The following SLC22A14 variants were observed in gnomAD, a reference collection of about 807,000 sequenced individuals.
SLC22A14 encodes organic cation transporter-like 4.
A neutral mutation model predicts 53.9 loss-of-function variants in SLC22A14; 50 were observed. That is an observed-to-expected ratio of 0.93 (90% CI 0.74 to 1.17). SLC22A14 has a LOEUF of 1.17. Among genes scored for constraint, SLC22A14 ranks in the 50% most tolerant of loss-of-function variants. SLC22A14 has a pLI of 0.00. For missense variants in SLC22A14, 671 were observed against 734.7 expected, an observed-to-expected ratio of 0.91 and a Z score of 1.00; for synonymous variants, 312 against 303.0, an observed-to-expected ratio of 1.03 and a Z score of -0.31.
intron 1 of SLC22A14, among the ~76,000 whole-genome samples, chr3:38,302,272 A>T (rs927812950): frequency 6.8e-6 from 1 of 146,814 alleles, no homozygotes; most frequent in African/African-American, 2.5e-5. Flanking sequence ...ATATATATTT[A>T]TATATACACA....
chr3:38,283,593 G>T (rs1015540777), intron 1 of SLC22A14, among the ~76,000 whole-genome samples: 6 of 152,224 alleles, frequency 3.9e-5, no homozygotes, highest in African/African-American at 1.4e-4. Context: ...ACTTTGGGAG[G>T]CCGAGGCGGG....
At chr3:38,298,882 C>T (rs1310505275) in intron 1 of SLC22A14, among the ~76,000 whole-genome samples, 1 of 152,144 alleles carries the variant, frequency 6.6e-6, no homozygotes, top group Non-Finnish European at 1.5e-5. Context: ...TAACTCCTTT[C>T]TCTGACAAAA....
intron 7 of SLC22A14, 42 bp from the exon 8 acceptor site, chr3:38,313,685 T>TGTGTGTGTGTGTGTGTGCTCGCGC: frequency 1.1e-6 from 1 of 900,604 alleles, no homozygotes. Flanking sequence ...TCCGTGTGTG[T>TGTGTGTGTGTGTGTGTGCTCGCGC]GCGCGCGTGT....
chr3:38,309,021 TG>T lies in SLC22A14; in HGVS notation c.847del (p.Ala283ProfsTer4). 1 of 1,614,068 alleles carries T rather than the reference TG, an allele frequency of 6.2e-7. No homozygotes were observed. Among genetic ancestry groups the T allele is most frequent in the Non-Finnish European group, 8.5e-7 (1 of 1,179,894 alleles). ...TCCTGGGACACTGCTTTTTCGCTGTTGGGGCCGTGTTGCTGACAGGGATCGC... is the reference window on the plus strand; with the variant it reads ...TCCTGGGACACTGCTTTTTCGCTGTTGGGCCGTGTTGCTGACAGGGATCGC... Reference protein sequence around the residue: ...IILGHCFFAVGAVLLTGIAYS... With the variant: ...IILGHCFFAVXAVLLTGIAYS... On this transcript the variant is annotated frameshift_variant, in exon 5 of 11. Transcript: ENST00000448498. LOFTEE classifies it high-confidence loss of function.
chr3:38,308,871 G>T, intron 4 of SLC22A14, 83 bp from the exon 5 acceptor site: 1 of 1,265,192 alleles, frequency 7.9e-7, no homozygotes, highest in South Asian at 1.3e-5. Flanking sequence ...AGAGCAGGTG[G>T]GGACACCCAG....
rs375037812 is a variant in SLC22A14 at position 38,286,346 on chromosome 3, CAT to C, written c.-1+4008_-1+4009del. Among the ~76,000 whole-genome samples, 316 of 152,252 alleles carry C rather than the reference CAT, an allele frequency of 2.1e-3. 1 individual carries two copies. The highest frequency in any genetic ancestry group is 7.2e-3 in the African/African-American group (301 of 41,540). ...TTATTAAAGAGGTTGAGCATCTTCA[CAT>C]GTTTGTAGGCCACACGAGTTTCCTC... is the stretch of plus-strand genomic sequence containing the variant. On this transcript the variant is annotated intron_variant, in intron 1 of 10. Transcript: ENST00000448498.
At chr3:38,305,851 G>A in intron 1 of SLC22A14, 176 bp from the exon 2 acceptor site, 1 of 651,944 alleles carries the variant, frequency 1.5e-6, no homozygotes, top group South Asian at 2.0e-5. Context: ...TTGGGCCAGG[G>A]GGGAATAAAT....
Position 38,313,127 on chromosome 3 carries a change from G to T in SLC22A14, c.1065+8G>T. Reference sequence around the variant, plus strand: ...TCAAATCTGCTGGACGAGGTAAAGGGCTTCTGGCCAGGAGTGGGGCCGGAG... The same window carrying T: ...TCAAATCTGCTGGACGAGGTAAAGGTCTTCTGGCCAGGAGTGGGGCCGGAG... On this transcript the variant is annotated splice_region_variant and intron_variant, in intron 6 of 10. Coordinates refer to ENST00000448498, the MANE Select transcript of SLC22A14 (RefSeq NM_001320033.2). 2 of 1,610,408 alleles carry T rather than the reference G, an allele frequency of 1.2e-6. No individual in the cohort carries two copies.
At chr3:38,282,175 C>G (rs1161653501), upstream of SLC22A14, 2 of 152,262 alleles carry the variant, frequency 1.3e-5, no homozygotes, top group African/African-American at 4.8e-5. Flanking sequence ...CTGCCTTGCC[C>G]CTGGAGGCTA....
chr3:38,284,667 A>G (rs775884895), intron 1 of SLC22A14, among the ~76,000 whole-genome samples: 2 of 152,172 alleles, frequency 1.3e-5, no homozygotes, highest in Non-Finnish European at 2.9e-5. Context: ...ACGAAGGACC[A>G]GAGCGTAGGA....
At chr3:38,305,432 G>A (rs751494268) in intron 1 of SLC22A14, 4 of 152,820 alleles carry the variant, frequency 2.6e-5, no homozygotes, top group Non-Finnish European at 5.8e-5. Context: ...TTTAAGCTTA[G>A]TTTCCCCTCC....
rs774266474 is a variant in SLC22A14, at chr3:38,307,368, G to A, written c.620+11G>A. On this transcript the variant is annotated intron_variant, in intron 3 of 10. Coordinates refer to ENST00000448498, the MANE Select transcript of SLC22A14 (RefSeq NM_001320033.2). This position sits in a 1 kb window ranked among gnomAD's most constrained non-coding sequence, Gnocchi z 4.4. ...GCTCATAACTGACAAGTGAGTCCCC[G>A]GGAGTTTCTGCTGGTCCCCGAGCCA... is the stretch of plus-strand genomic sequence containing the variant. The A allele has an allele frequency of 4.7e-5, 76 of 1,603,308 alleles. No homozygotes were observed. The highest frequency in any genetic ancestry group is 1.3e-4 in the East Asian group (6 of 44,826).
chr3:38,301,317 C>T (rs539470677), intron 1 of SLC22A14, among the ~76,000 whole-genome samples: 1 of 152,352 alleles, frequency 6.6e-6, no homozygotes, highest in African/African-American at 2.4e-5. Flanking sequence ...GCATGCCCAT[C>T]AGCAATGTAT....
intron 5 of SLC22A14, among the ~76,000 whole-genome samples, chr3:38,312,618 C>A (rs936280266): frequency 1.3e-5 from 2 of 152,180 alleles, no homozygotes; most frequent in African/African-American, 4.8e-5. Flanking sequence ...CAACTAAGGG[C>A]ATGGGGGCTC....
chr3:38,285,201 CAG>C (rs111389039), intron 1 of SLC22A14, among the ~76,000 whole-genome samples: 2,584 of 152,298 alleles, frequency 0.017, 75 homozygotes, highest in African/African-American at 0.058. Flanking sequence ...CTACACTAAA[CAG>C]GGGATACCCC....
intron 1 of SLC22A14, among the ~76,000 whole-genome samples, chr3:38,286,115 G>A (rs767256770): frequency 1.3e-4 from 20 of 152,218 alleles, no homozygotes; most frequent in East Asian, 1.9e-4. Context: ...GGTGGTGCGC[G>A]CCTGTAATCC....
chr3:38,306,392 A>C lies in SLC22A14; in HGVS notation c.366A>C (p.Gln122His), dbSNP rs566174873. 1 of 1,614,036 alleles carries C rather than the reference A, an allele frequency of 6.2e-7. No homozygotes were observed. Among genetic ancestry groups the C allele is most frequent in the African/African-American group, 1.3e-5 (1 of 74,908 alleles). Residue 122 changes from glutamine (Q) to histidine (H), a missense_variant, in exon 2 of 11, where the codon CAA (glutamine) becomes CAC (histidine). Transcript: ENST00000448498. ...KAEQLNLTIP[Q>H]APNGSFLTCF... ...AGCAGCTGAATCTGACCATACCCCA[A>C]GCACCCAATGGCAGTTTCCTGACAT...
At chr3:38,290,444 C>T (rs958459318) in intron 1 of SLC22A14, among the ~76,000 whole-genome samples, 3 of 152,192 alleles carry the variant, frequency 2.0e-5, no homozygotes, top group Non-Finnish European at 4.4e-5. Context: ...AAGAGACAAA[C>T]TTAACAAAGA....
At chr3:38,281,814 T>A (rs1703675268), upstream of SLC22A14, among the ~76,000 whole-genome samples, 1 of 152,172 alleles carries the variant, frequency 6.6e-6, no homozygotes, top group Non-Finnish European at 1.5e-5. Context: ...CTGTGCTGGT[T>A]TTCCTGTCCT....
Sources: allele counts gnomAD v4.1 joint callset (sites outside exome capture counted in the v4.1 genomes callset), GRCh38; gene constraint gnomAD v4.1.1; non-coding constraint Gnocchi (gnomAD v3.1); transcripts MANE v1.5; gene names NCBI Gene and HGNC (gene_info 2026-07-23, HGNC 2026-07-21).